Variants in RBFOX1 observed in about 807,000 individuals in gnomAD.
The protein encoded by RBFOX1 is RNA binding fox-1 homolog 1, also known as RNA binding protein fox-1 homolog 1.
A neutral mutation model predicts 57.7 loss-of-function variants in RBFOX1; 8 were observed. The ratio of observed to expected loss-of-function variants is 0.14; its 90% CI spans 0.08 to 0.25. The LOEUF (loss-of-function observed/expected upper bound fraction) is 0.25. Among genes scored for constraint, RBFOX1 ranks in the 10% least tolerant of loss-of-function variants. RBFOX1 has a pLI of 1.00. For missense variants in RBFOX1, 611 were observed against 548.5 expected (o/e 1.11, Z -1.14); for synonymous variants, 326 against 222.4 (o/e 1.47, Z -4.15).
At chr16:7,662,101 C>G (rs1316575831) in intron 12 of RBFOX1, among the ~76,000 whole-genome samples, 1 of 152,186 alleles carries the variant, frequency 6.6e-6, no homozygotes, top group Non-Finnish European at 1.5e-5. Flanking sequence ...TTGGCCCACA[C>G]CCATGCCATG....
At chr16:5,349,267 T>C (rs1424497877) in intron 1 of RBFOX1, among the ~76,000 whole-genome samples, 7 of 152,164 alleles carry the variant, frequency 4.6e-5, no homozygotes, top group African/African-American at 1.7e-4. Context: ...AGTAGAATAT[T>C]GATTGCCGGG....
chr16:7,203,381 G>C (rs1013705380), intron 4 of RBFOX1, among the ~76,000 whole-genome samples: 7 of 152,292 alleles, frequency 4.6e-5, no homozygotes, highest in African/African-American at 1.4e-4. Context: ...TGGAGAGGAA[G>C]GTAGGGGAAA....
chr16:5,841,975 C>T lies in RBFOX1; in HGVS notation c.319-25328C>T, dbSNP rs763803303. ...ACGTGGGCTGGTGGGCTGCCATCCT[C>T]GCCCAGAGGCACACCACGCCCCATC... On this transcript the variant is annotated intron_variant, in intron 3 of 19. Transcript: ENST00000641259. 3.3e-4 allele frequency among the ~76,000 whole-genome samples: 50 copies of T among 152,348 alleles called. 1 individual carries two copies. The highest frequency in any genetic ancestry group is 2.4e-4 in the Non-Finnish European group (16 of 68,034).
chr16:6,502,543 G>A (rs1419244650), intron 2 of RBFOX1, among the ~76,000 whole-genome samples: 1 of 152,074 alleles, frequency 6.6e-6, no homozygotes, highest in Non-Finnish European at 1.5e-5. Flanking sequence ...CCTTAGCATA[G>A]TACCTAACAC....
At chr16:5,777,764 T>G (rs181259086) in intron 3 of RBFOX1, among the ~76,000 whole-genome samples, 32 of 152,302 alleles carry the variant, frequency 2.1e-4, no homozygotes, top group Non-Finnish European at 4.0e-4. Flanking sequence ...TTCTTTAACT[T>G]ACATTTCATT....
chr16:6,276,342 C>CTT (rs541018592), intron 1 of RBFOX1, among the ~76,000 whole-genome samples: 11 of 150,934 alleles, frequency 7.3e-5, no homozygotes, highest in African/African-American at 2.7e-4. Context: ...TATTGAGAGT[C>CTT]TTTTTTTTTG....
intron 3 of RBFOX1, among the ~76,000 whole-genome samples, chr16:6,989,140 C>G (rs1430352846): frequency 6.6e-6 from 1 of 152,096 alleles, no homozygotes; most frequent in Admixed American, 6.6e-5. Context: ...AAGTGATCTG[C>G]CCGCCTCAGC....
chr16:6,249,027 G>A (rs138236362), intron 1 of RBFOX1, among the ~76,000 whole-genome samples: 2 of 152,266 alleles, frequency 1.3e-5, no homozygotes, highest in African/African-American at 4.8e-5. Flanking sequence ...TTAAAATAAG[G>A]CAACAAACAT....
chr16:7,347,386 C>A (rs2097032227), intron 4 of RBFOX1, among the ~76,000 whole-genome samples: 1 of 151,998 alleles, frequency 6.6e-6, no homozygotes, highest in Admixed American at 6.6e-5. Flanking sequence ...CAGGGAAACT[C>A]TTGTTTTTAA....
intron 2 of RBFOX1, among the ~76,000 whole-genome samples, chr16:6,613,729 G>C (rs145061419): frequency 1.3e-3 from 205 of 152,328 alleles, no homozygotes; most frequent in African/African-American, 4.6e-3. Flanking sequence ...TCGAGGCCAA[G>C]CGTTTGAGAC....
intron 4 of RBFOX1, among the ~76,000 whole-genome samples, chr16:7,186,115 T>C (rs1226078279): frequency 2.6e-5 from 4 of 151,982 alleles, no homozygotes; most frequent in Non-Finnish European, 5.9e-5. Flanking sequence ...TGCACAGATA[T>C]GTACAACCAT....
chr16:5,741,145 G>A (rs1045841806), intron 3 of RBFOX1, among the ~76,000 whole-genome samples: 11 of 152,240 alleles, frequency 7.2e-5, no homozygotes, highest in African/African-American at 2.6e-4. Flanking sequence ...GTCATCTATG[G>A]CCACCATCAG....
intron 3 of RBFOX1, among the ~76,000 whole-genome samples, chr16:6,923,212 C>A (rs1211165328): frequency 6.6e-6 from 1 of 152,186 alleles, no homozygotes; most frequent in East Asian, 1.9e-4. Flanking sequence ...CCTGAGCTCT[C>A]CATCAGCCCA....
chr16:6,753,620 C>G (rs17141277), intron 3 of RBFOX1, among the ~76,000 whole-genome samples: 2,781 of 152,250 alleles, frequency 0.018, 89 homozygotes, highest in African/African-American at 0.063. Context: ...GAACCAGCAA[C>G]AGAGCGAAAG....
At chr16:6,763,644 C>G (rs1603617069) in intron 3 of RBFOX1, among the ~76,000 whole-genome samples, 1 of 152,204 alleles carries the variant, frequency 6.6e-6, no homozygotes, top group African/African-American at 2.4e-5. Context: ...ATTTCATTCT[C>G]TGTTCTACCT....
intron 2 of RBFOX1, among the ~76,000 whole-genome samples, chr16:5,546,480 C>T (rs751587909): frequency 2.6e-5 from 4 of 152,022 alleles, no homozygotes; most frequent in Non-Finnish European, 4.4e-5. Context: ...ATACTTGGGT[C>T]GATGTAACAG....
intron 12 of RBFOX1, among the ~76,000 whole-genome samples, chr16:7,660,144 CT>C (rs200061508): frequency 2.0e-5 from 3 of 151,594 alleles, no homozygotes; most frequent in South Asian, 2.1e-4. Context: ...GCATTTTATA[CT>C]TTTTTTTTAA....
At chr16:5,800,468 T>C (rs1377352831) in intron 3 of RBFOX1, among the ~76,000 whole-genome samples, 1 of 152,094 alleles carries the variant, frequency 6.6e-6, no homozygotes, top group Non-Finnish European at 1.5e-5. Flanking sequence ...CCCTTGAGCT[T>C]AGGCCAGGGT....
rs547314816 is a variant in RBFOX1 at position 5,305,076 on chromosome 16, C to T, written c.219+64971C>T. Among the ~76,000 whole-genome samples the T allele has an allele frequency of 3.9e-5, 6 of 152,160 alleles. No homozygotes were observed. The East Asian group carries it at 1.2e-3, about 29-fold the overall frequency. On this transcript the variant is annotated intron_variant, in intron 1 of 2. Coordinates refer to the RBFOX1 transcript ENST00000585867. ...TGTGTGATGTAGTGACTCAGGTGGG[C>T]TTTGCAAGGGGGTAGATACTGAACG...
Sources: gnomAD v4.1 joint callset for allele counts (sites outside exome capture counted in the v4.1 genomes callset) on GRCh38, gnomAD v4.1.1 for gene constraint, MANE v1.5 for transcripts, NCBI Gene and HGNC (gene_info 2026-07-23, HGNC 2026-07-21) for gene names.